The following COL13A1 variants were observed in gnomAD, a reference collection of about 807,000 sequenced individuals.
COL13A1 encodes the protein collagen alpha-1(XIII) chain.
A neutral mutation model predicts 130.9 loss-of-function variants in COL13A1; 89 were observed. That is an observed-to-expected ratio of 0.68 (90% CI 0.57 to 0.81). The LOEUF (loss-of-function observed/expected upper bound fraction) is 0.81. COL13A1 is among the 30% of genes least tolerant of loss of function. COL13A1 has a pLI of 0.00. For missense variants in COL13A1, 879 were observed against 934.6 expected (o/e 0.94, Z 0.78); for synonymous variants, 402 against 341.6 (o/e 1.18, Z -1.95).
intron 17 of COL13A1, among the ~76,000 whole-genome samples, chr10:69,910,386 G>A (rs764539072): frequency 4.0e-5 from 6 of 151,886 alleles, no homozygotes; most frequent in Non-Finnish European, 7.4e-5. Flanking sequence ...TAACTGATGG[G>A]CCCCCCACAT....
intron 3 of COL13A1, among the ~76,000 whole-genome samples, chr10:69,869,500 G>C (rs1198519861): frequency 6.6e-6 from 1 of 152,224 alleles, no homozygotes; most frequent in Non-Finnish European, 1.5e-5. Context: ...GGTGTATCCT[G>C]GGGGCTGGCT....
rs367913920 is a variant in COL13A1, at chr10:69,919,129, C to T, written c.1026+41C>T. ...GAATGTTCCGGGCTGCACAGAGCAT[C>T]GGTCATGGGCAGAGGTGGGAGGGGC... On this transcript the variant is annotated intron_variant, in intron 20 of 40. Coordinates refer to ENST00000645393, the MANE Select transcript of COL13A1 (RefSeq NM_001368882.1). The T allele has an allele frequency of 7.6e-5, 123 of 1,613,046 alleles. No individual in the cohort carries two copies. In the African/African-American group the frequency reaches 1.2e-3, roughly 15 times the overall value.
Position 69,878,070 on chromosome 10 carries a change from G to A in COL13A1, c.462+5G>A. The A allele has an allele frequency of 1.4e-6, 1 of 702,968 alleles. No individual in the cohort carries two copies. The highest frequency in any genetic ancestry group is 2.6e-6 in the Non-Finnish European group (1 of 385,010). The allele number at this position is 702,968 out of a possible 1,614,324, so 43.5% of individuals were successfully genotyped here. A position where few individuals can be genotyped will look rare whatever the true frequency, so the allele number is the denominator to read the frequency against. The stretch of plus-strand genomic sequence containing the variant: ...AAGGGCCAACCAGGCGAGAAGGTGA[G>A]TCCACACTTTCCCCTTCTGCCCTGC... On this transcript the variant is annotated splice_donor_5th_base_variant and intron_variant, in intron 6 of 40. Transcript: ENST00000645393.
At chr10:69,949,950 G>GTGTGTGTGTGTGTGTGTGCA (rs1491413744) in intron 38 of COL13A1, among the ~76,000 whole-genome samples, 2 of 107,402 alleles carry the variant, frequency 1.9e-5, no homozygotes, top group Non-Finnish European at 4.5e-5. Context: ...GTGTGTGTGC[G>GTGTGTGTGTGTGTGTGTGCA]TGTGTTTGTG....
At chr10:69,854,346 G>A (rs182201018) in intron 2 of COL13A1, among the ~76,000 whole-genome samples, 3 of 152,276 alleles carry the variant, frequency 2.0e-5, no homozygotes, top group East Asian at 1.9e-4. Context: ...CTGGTAGATC[G>A]CTGGAGTTCA....
intron 2 of COL13A1, among the ~76,000 whole-genome samples, chr10:69,825,109 A>T (rs150657233): frequency 6.6e-6 from 1 of 152,278 alleles, no homozygotes; most frequent in Non-Finnish European, 1.5e-5. Context: ...ACTGTGTCCC[A>T]CTTGAGCACC....
At chr10:69,853,194 A>T (rs1855454026) in intron 2 of COL13A1, among the ~76,000 whole-genome samples, 2 of 152,294 alleles carry the variant, frequency 1.3e-5, no homozygotes, top group South Asian at 4.1e-4. Context: ...TTCCATGAGG[A>T]GGGGAAGCCA....
At chr10:69,833,541 A>C (rs2133010581) in intron 2 of COL13A1, among the ~76,000 whole-genome samples, 1 of 152,348 alleles carries the variant, frequency 6.6e-6, no homozygotes, top group East Asian at 1.9e-4. Context: ...AGTGCTAAAC[A>C]GAAGCATAGG....
intron 1 of COL13A1, among the ~76,000 whole-genome samples, chr10:69,819,505 T>G (rs114988697): frequency 0.033 from 4,973 of 152,246 alleles, 224 homozygotes; most frequent in African/African-American, 0.098. Context: ...GCTCCGTAGC[T>G]GGGGTGGCCC....
At position 69,952,954 on chromosome 10, in the gene COL13A1, G is replaced by A; in HGVS notation, c.2131G>A (p.Ala711Thr). The A allele has an allele frequency of 1.3e-6, 2 of 1,543,238 alleles. No individual in the cohort carries two copies. The highest frequency in any genetic ancestry group is 1.7e-6 in the Non-Finnish European group (2 of 1,152,016). ...AGACCAAGGAGCGCCTGGATTAGAT[G>A]CCCCCTGCCCATTGGTATGTTTTTG... is the stretch of plus-strand genomic sequence containing the variant. Reference protein sequence around the residue: ...KGDQGAPGLDAPCPLGEDGLP... With the variant: ...KGDQGAPGLDTPCPLGEDGLP... Residue 711 changes from alanine (A) to threonine (T), a missense_variant, in exon 39 of 41, where the codon GCC becomes ACC. This residue lies in a region of COL13A1 where 68 missense variants were observed against 65.8 expected (regional missense o/e 1.03). Transcript: ENST00000645393.
intron 7 of COL13A1, among the ~76,000 whole-genome samples, chr10:69,887,033 C>A (rs1003400321): frequency 6.6e-6 from 1 of 152,186 alleles, no homozygotes; most frequent in Non-Finnish European, 1.5e-5. Flanking sequence ...TCCAAGCCAT[C>A]CTTAGATAAG....
chr10:69,954,434 C>T (rs1308006602), intron 39 of COL13A1, among the ~76,000 whole-genome samples: 1 of 152,246 alleles, frequency 6.6e-6, no homozygotes, highest in East Asian at 1.9e-4. Context: ...CCATGACTCA[C>T]TTCTTTTCCT....
At chr10:69,930,009 C>T (rs780981319) in intron 28 of COL13A1, 34 bp from the exon 29 acceptor site, 1 of 1,605,768 alleles carries the variant, frequency 6.2e-7, no homozygotes, top group Non-Finnish European at 8.5e-7. Context: ...ATGTTCTCTG[C>T]CCTGAGAGTC....
chr10:69,816,216 C>T (rs527399812), intron 1 of COL13A1, among the ~76,000 whole-genome samples: 1 of 146,842 alleles, frequency 6.8e-6, no homozygotes, highest in Non-Finnish European at 1.5e-5. Context: ...GAGAAGGGGT[C>T]AGATCTCGGA....
At chr10:69,834,986 G>C (rs1849673914) in intron 2 of COL13A1, among the ~76,000 whole-genome samples, 1 of 152,222 alleles carries the variant, frequency 6.6e-6, no homozygotes, top group South Asian at 2.1e-4. Context: ...TCACAGAAGA[G>C]AGAGAACAGG....
intron 2 of COL13A1, among the ~76,000 whole-genome samples, chr10:69,826,182 C>T (rs7091179): frequency 0.027 from 4,161 of 152,278 alleles, 200 homozygotes; most frequent in African/African-American, 0.096. Context: ...GTCTAGCCAG[C>T]GAGGAAACAG....
At chr10:69,924,096 A>G (rs2065040145) in intron 24 of COL13A1, among the ~76,000 whole-genome samples, 1 of 152,196 alleles carries the variant, frequency 6.6e-6, no homozygotes. Flanking sequence ...TTCCCGAGCC[A>G]TTGGTAAACG....
chr10:69,905,802 C>G lies in COL13A1; in HGVS notation c.901C>G (p.Gln301Glu), dbSNP rs200902481. ...GTTTTCCCAGGGAGACCCAGGGATCCAGGGCTACCACGGCCGGAAGGTAAG... is the reference window on the plus strand; with the variant it reads ...GTTTTCCCAGGGAGACCCAGGGATCGAGGGCTACCACGGCCGGAAGGTAAG... ...PPGPKGDPGI[Q>E]GYHGRKGERG... The change falls in exon 17 of 41, where the codon CAG (glutamine) becomes GAG (glutamate). Residue 301 changes from glutamine (Q) to glutamate (E), a missense_variant. Physicochemically the swap from Gln to Glu is conservative, Grantham distance 29 (BLOSUM62 2). Coordinates refer to ENST00000645393, the MANE Select transcript of COL13A1 (RefSeq NM_001368882.1). The G allele has an allele frequency of 1.9e-6, 3 of 1,613,634 alleles. No homozygotes were observed. The African/African-American group carries it at 4.0e-5, about 22-fold the overall frequency.
intron 38 of COL13A1, among the ~76,000 whole-genome samples, chr10:69,949,247 A>C (rs1589726197): frequency 6.6e-6 from 1 of 152,214 alleles, no homozygotes; most frequent in East Asian, 1.9e-4. Context: ...CAATGGCGCG[A>C]TCTCAGCTCA....
Sources: gnomAD v4.1 joint callset for allele counts (sites outside exome capture counted in the v4.1 genomes callset) on GRCh38, gnomAD v4.1.1 for gene constraint, gnomAD v4.1.1 regional missense constraint, MANE v1.5 for transcripts, NCBI Gene and HGNC (gene_info 2026-07-23, HGNC 2026-07-21) for gene names.